The following RBM41 variants were observed in gnomAD, a reference collection of about 807,000 sequenced individuals.
The protein encoded by RBM41 is RNA binding motif protein 41, also known as RNA-binding protein 41.
In RBM41, 14 loss-of-function variants were observed where a neutral mutation model predicts 30.8. The observed-to-expected ratio is 0.45, with a 90% CI of 0.30 to 0.71. The LOEUF is 0.71. Ranked by LOEUF, RBM41 falls within the 30% of genes least tolerant of loss-of-function variation. RBM41 has a pLI of 0.08. For synonymous variants in RBM41, 120 were observed against 110.1 expected, an observed-to-expected ratio of 1.09 and a Z score of -0.56; for missense variants, 276 against 326.3, an observed-to-expected ratio of 0.85 and a Z score of 1.19.
intron 2 of RBM41, among the ~76,000 whole-genome samples, 153 bp downstream of exon 2, chrX:107,116,497 G>A (rs1474538257): frequency 9.0e-6 from 1 of 111,687 alleles, no homozygotes. Flanking sequence ...GCTTCCCAGA[G>A]GAAGAGACAC....
intron 7 of RBM41, 51 bp downstream of exon 7, chrX:107,069,204 C>T (rs1355429729): frequency 9.4e-7 from 1 of 1,061,017 alleles, no homozygotes; most frequent in African/African-American, 1.9e-5. Flanking sequence ...TATAGGTAAT[C>T]TCTAGCGAAC....
In RBM41 at chrX:107,064,865, G is replaced by A. The variant is rs1163630673; in HGVS notation, c.*2662C>T. The A allele has an allele frequency of 1.8e-5, 2 of 111,117 alleles. No homozygotes were observed. Among genetic ancestry groups the A allele is most frequent in the African/African-American group, 3.3e-5 (1 of 30,589 alleles). The allele number at this position is 111,117 out of a possible 1,213,427, so 9.2% of individuals were successfully genotyped here. On this transcript the variant is annotated 3_prime_UTR_variant, in exon 8 of 8. Coordinates refer to ENST00000685964, the MANE Select transcript of RBM41 (RefSeq NM_001324242.2). Reference sequence around the variant, plus strand: ...TAGGTGCTCTATTATTGAAAAAGGGGTATTGAATATTCCAACTCTTTTTAT... The same window carrying A: ...TAGGTGCTCTATTATTGAAAAAGGGATATTGAATATTCCAACTCTTTTTAT...
Position 107,071,207 on chromosome X carries a change from CAA to C in RBM41, c.1000-1807_1000-1806del, listed in dbSNP as rs56261473. On this transcript the variant is annotated intron_variant, in intron 6 of 7. Coordinates refer to ENST00000685964, the MANE Select transcript of RBM41 (RefSeq NM_001324242.2). ...GGAAAGATATCAAAGTATATCACTA[CAA>C]AAAAAAAAAAAAACCCAATGAACCA... Among the ~76,000 whole-genome samples the C allele has an allele frequency of 2.9e-3, 172 of 58,946 alleles. 2 individuals carry two copies. The highest frequency in any genetic ancestry group is 0.018 in the Middle Eastern group (2 of 114). 51.2% of individuals were successfully genotyped at this position (58,946 alleles called of 115,157 possible). A position where few individuals can be genotyped will look rare whatever the true frequency, so the allele number is the denominator to read the frequency against.
chrX:107,068,451 A>C (rs909603215), intron 7 of RBM41, among the ~76,000 whole-genome samples: 1 of 112,110 alleles, frequency 8.9e-6, no homozygotes, highest in African/African-American at 3.2e-5. Flanking sequence ...CAACTAATAC[A>C]TCGTATTATG....
intron 6 of RBM41, among the ~76,000 whole-genome samples, chrX:107,076,581 G>A (rs1267720759): frequency 9.0e-6 from 1 of 110,678 alleles, no homozygotes; most frequent in Non-Finnish European, 1.9e-5. Flanking sequence ...ATGGGGAGTT[G>A]CTGTTCGACA....
rs1010600899 is a variant in RBM41, at chrX:107,065,159, G to A, written c.*2368C>T. 9 of 111,219 alleles carry A rather than the reference G, an allele frequency of 8.1e-5. No individual in the cohort carries two copies. The highest frequency in any genetic ancestry group is 2.6e-4 in the African/African-American group (8 of 30,599). The allele number at this position is 111,219 out of a possible 1,213,427, so 9.2% of individuals were successfully genotyped here. A position where few individuals can be genotyped will look rare whatever the true frequency, so the allele number is the denominator to read the frequency against. ...CTTTAATCTCTTTCTATCTTCTAAA[G>A]TGTGTCTCAAATAGATGGCATGAAG... is the stretch of plus-strand genomic sequence containing the variant. On this transcript the variant is annotated 3_prime_UTR_variant, in exon 8 of 8. Transcript: ENST00000685964.
chrX:107,086,229 A>C (rs1922027098), intron 6 of RBM41, among the ~76,000 whole-genome samples: 1 of 111,701 alleles, frequency 9.0e-6, no homozygotes, highest in Non-Finnish European at 1.9e-5. Flanking sequence ...TTACATTAGA[A>C]ATTGAGATAT....
In RBM41 at chrX:107,062,011, C is replaced by T. The variant is rs1031992523; in HGVS notation, c.*5516G>A. On this transcript the variant is annotated 3_prime_UTR_variant, in exon 8 of 8. Transcript: ENST00000685964. Reference sequence around the variant, plus strand: ...TACTTATGTAACTACAATAAAGACACGGAAAATTTCAATTATTAAGACAAA... The same window carrying T: ...TACTTATGTAACTACAATAAAGACATGGAAAATTTCAATTATTAAGACAAA... Among the ~76,000 whole-genome samples the T allele has an allele frequency of 1.8e-5, 2 of 112,026 alleles. No homozygotes were observed. Among genetic ancestry groups the T allele is most frequent in the African/African-American group, 3.2e-5 (1 of 30,828 alleles).
Position 107,066,604 on chromosome X carries a change from C to T in RBM41, c.*923G>A, listed in dbSNP as rs1430607457. On this transcript the variant is annotated 3_prime_UTR_variant, in exon 8 of 8. Coordinates refer to ENST00000685964, the MANE Select transcript of RBM41 (RefSeq NM_001324242.2). ...AAAATGTGAGGCTCAGATTAAGTGACTTGCCAAGGTCATAGAATGTTAAGT... is the reference window on the plus strand; with the variant it reads ...AAAATGTGAGGCTCAGATTAAGTGATTTGCCAAGGTCATAGAATGTTAAGT... 6.0e-6 allele frequency: 3 copies of T among 496,077 alleles called. No homozygotes were observed. In the African/African-American group the frequency reaches 8.0e-5, roughly 13 times the overall value. The allele number at this position is 496,077 out of a possible 1,213,427, so 40.9% of individuals were successfully genotyped here.
chrX:107,080,486 G>T (rs1232902222), intron 6 of RBM41, among the ~76,000 whole-genome samples: 1 of 111,530 alleles, frequency 9.0e-6, no homozygotes, highest in African/African-American at 3.3e-5. Context: ...GTTGAAGTAG[G>T]AGAATTGCTT....
At chrX:107,098,073 T>A (rs992768776) in intron 5 of RBM41, among the ~76,000 whole-genome samples, 1 of 111,663 alleles carries the variant, frequency 9.0e-6, no homozygotes, top group Non-Finnish European at 1.9e-5. Flanking sequence ...AATAAAGCAG[T>A]TTAAAAATAA....
At position 107,065,831 on chromosome X, in the gene RBM41, A is replaced by T; in HGVS notation, c.*1696T>A. On this transcript the variant is annotated 3_prime_UTR_variant, in exon 8 of 8. Transcript: ENST00000685964. ...TGCAACTATATACATATTGTTTTAT[A>T]CAACTGTGTTTTACATTAGTTAAGA... 2 of 1,008,166 alleles carry T rather than the reference A, an allele frequency of 2.0e-6. No homozygotes were observed. The highest frequency in any genetic ancestry group is 2.6e-6 in the Non-Finnish European group (2 of 770,167). 83.1% of individuals were successfully genotyped at this position (1,008,166 alleles called of 1,213,427 possible). A position where few individuals can be genotyped will look rare whatever the true frequency, so the allele number is the denominator to read the frequency against.
intron 5 of RBM41, among the ~76,000 whole-genome samples, chrX:107,099,808 G>T (rs1184347455): frequency 9.0e-6 from 1 of 110,813 alleles, no homozygotes; most frequent in Admixed American, 9.6e-5. Flanking sequence ...ATTGTATTCC[G>T]GATTTATAAT....
chrX:107,115,171 C>T, intron 4 of RBM41, 181 bp downstream of exon 4: 1 of 471,925 alleles, frequency 2.1e-6, no homozygotes, highest in Non-Finnish European at 3.6e-6. Context: ...ATAGCAGTTT[C>T]CATGTTGTCA....
At chrX:107,110,740 C>CAGGT (rs1924397485) in intron 5 of RBM41, among the ~76,000 whole-genome samples, 1 of 111,435 alleles carries the variant, frequency 9.0e-6, no homozygotes, top group Non-Finnish European at 1.9e-5. Flanking sequence ...GGCATAAAGA[C>CAGGT]AGGTATATAT....
intron 3 of RBM41, 146 bp downstream of exon 3, chrX:107,115,716 G>A: frequency 1.1e-6 from 1 of 885,163 alleles, no homozygotes; most frequent in South Asian, 2.7e-5. Flanking sequence ...ACCAATGTCT[G>A]CATTCTAAAA....
chrX:107,104,007 T>A (rs1296725687), intron 5 of RBM41, among the ~76,000 whole-genome samples: 1 of 110,761 alleles, frequency 9.0e-6, no homozygotes, highest in African/African-American at 3.3e-5. Flanking sequence ...AGCTTGAAAC[T>A]GGCTATGGTG....
intron 5 of RBM41, among the ~76,000 whole-genome samples, chrX:107,090,537 C>T (rs1373594067): frequency 9.0e-6 from 1 of 111,642 alleles, no homozygotes; most frequent in Non-Finnish European, 1.9e-5. Flanking sequence ...CAAATCGGCT[C>T]CTGTATTGCT....
In RBM41 at chrX:107,067,490, A is replaced by T; in HGVS notation, c.*37T>A. The stretch of plus-strand genomic sequence containing the variant: ...AATCCTAGATCCAAGATTCCAATTC[A>T]AGAAAGACCATCCAGGACCCACAAT... On this transcript the variant is annotated 3_prime_UTR_variant, in exon 8 of 8. Coordinates refer to ENST00000685964, the MANE Select transcript of RBM41 (RefSeq NM_001324242.2). 8.8e-7 allele frequency: 1 copy of T among 1,136,247 alleles called. No homozygotes were observed. Among genetic ancestry groups the T allele is most frequent in the Non-Finnish European group, 1.2e-6 (1 of 855,060 alleles). 93.6% of individuals were successfully genotyped at this position (1,136,247 alleles called of 1,213,427 possible).
Sources: gnomAD v4.1 joint callset for allele counts (sites outside exome capture counted in the v4.1 genomes callset) on GRCh38, gnomAD v4.1.1 for gene constraint, MANE v1.5 for transcripts, NCBI Gene and HGNC (gene_info 2026-07-23, HGNC 2026-07-21) for gene names.